ERBB2: variants seen among roughly 807,000 people sequenced by gnomAD.
ERBB2 encodes receptor tyrosine-protein kinase erbB-2.
ERBB2 carries 61 observed loss-of-function variants against 149.0 expected under a neutral mutation model. That is an observed-to-expected ratio of 0.41 (90% CI 0.33 to 0.51). The LOEUF (loss-of-function observed/expected upper bound fraction) is 0.51. ERBB2 is among the 20% of genes least tolerant of loss of function. The probability of loss-of-function intolerance (pLI) is 0.25; values close to 1 mark genes in which losing one functional copy is unlikely to be tolerated. For synonymous variants in ERBB2, 633 were observed against 678.8 expected (o/e 0.93, Z 1.05); for missense variants, 1,205 against 1,655.1 (o/e 0.73, Z 4.72).
At chr17:39,708,604 G>A (rs2058604964) in intron 3 of ERBB2, 70 bp downstream of exon 3, 25 of 1,275,810 alleles carry the variant, frequency 2.0e-5, no homozygotes, top group South Asian at 1.7e-4. Context: ...CTAACCAGGG[G>A]GAGGCTTTGT....
rs1173435256 is a variant in ERBB2, at chr17:39,726,837, G to C, written c.2993G>C (p.Ser998Thr). 3.1e-6 allele frequency: 5 copies of C among 1,612,856 alleles called. No homozygotes were observed. The highest frequency in any genetic ancestry group is 2.2e-5 in the South Asian group (2 of 90,966). ...VIQNEDLGPA[S>T]PLDSTFYRSL... ...CAGAATGAGGACTTGGGCCCAGCCA[G>C]TCCCTTGGACAGCACCTTCTACCGC... Residue 998 changes from serine to threonine, a missense_variant, in exon 25 of 27, where the codon AGT becomes ACT. This residue lies in a region of ERBB2 where 312 missense variants were observed against 343.8 expected (regional missense o/e 0.91). Coordinates refer to ENST00000269571, the MANE Select transcript of ERBB2 (RefSeq NM_004448.4). The surrounding 1 kb of genome is among the most constrained non-coding windows in gnomAD (Gnocchi z 5.1).
rs1481499275 is a variant in ERBB2 at position 39,728,625 on chromosome 17, A to G, written c.*581A>G. The G allele has an allele frequency of 2.1e-5, 5 of 233,200 alleles. No individual in the cohort carries two copies. In the Admixed American group the frequency reaches 2.3e-4, roughly 11 times the overall value. The allele number at this position is 233,200 out of a possible 1,614,324, so 14.4% of individuals were successfully genotyped here. A position where few individuals can be genotyped will look rare whatever the true frequency, so the allele number is the denominator to read the frequency against. On this transcript the variant is annotated 3_prime_UTR_variant, in exon 27 of 27. Coordinates refer to ENST00000269571, the MANE Select transcript of ERBB2 (RefSeq NM_004448.4). ...GTGTGGGGGGTCCTTCTCCACACCC[A>G]CTTTGTCCATTTGCAAATATATTTT...
chr17:39,706,034 C>A (rs4252606), intron 1 of ERBB2, among the ~76,000 whole-genome samples: 1 of 152,208 alleles, frequency 6.6e-6, no homozygotes, highest in Non-Finnish European at 1.5e-5. Flanking sequence ...GAGCTGCTAC[C>A]CCGGCGCCCC....
At chr17:39,724,999 GCCAGGC>G (rs2059670500) in intron 20 of ERBB2, 44 bp from the exon 21 acceptor site, 1 of 1,610,038 alleles carries the variant, frequency 6.2e-7, no homozygotes, top group African/African-American at 1.3e-5. Context: ...TGGGCATGTG[GCCAGGC>G]CCAGGCCCTC....
chr17:39,723,163 A>C lies in ERBB2; in HGVS notation c.1947-156A>C, dbSNP rs996393616. ...TTTATTGTGGAGGCAGCGGGGAGCC[A>C]AGGCAGGTTTTAGAGTAGGAGAGGG... On this transcript the variant is annotated intron_variant, in intron 16 of 26. Coordinates refer to ENST00000269571, the MANE Select transcript of ERBB2 (RefSeq NM_004448.4). The surrounding 1 kb of genome is among the most constrained non-coding windows in gnomAD (Gnocchi z 6.2). Among the ~76,000 whole-genome samples the C allele has an allele frequency of 1.3e-5, 2 of 152,248 alleles. No homozygotes were observed. The highest frequency in any genetic ancestry group is 2.9e-5 in the Non-Finnish European group (2 of 68,004).
chr17:39,709,705 G>A, intron 4 of ERBB2, 108 bp from the exon 5 acceptor site: 1 of 1,127,046 alleles, frequency 8.9e-7, no homozygotes, highest in Non-Finnish European at 1.3e-6. Flanking sequence ...CCCTTGCTGT[G>A]CAGTTGGCCT....
rs2059883849 is a variant in ERBB2 at position 39,728,150 on chromosome 17, G to C, written c.*106G>C. On this transcript the variant is annotated 3_prime_UTR_variant, in exon 27 of 27. Coordinates refer to ENST00000269571, the MANE Select transcript of ERBB2 (RefSeq NM_004448.4). ...GGGAGGGCCCTCCGACCACTTCCAG[G>C]GGAACCTGCCATGCCAGGAACCTGT... The C allele has an allele frequency of 6.5e-6, 5 of 764,168 alleles. No homozygotes were observed. Among genetic ancestry groups the C allele is most frequent in the Non-Finnish European group, 1.0e-5 (5 of 486,352 alleles). The allele number at this position is 764,168 out of a possible 1,614,324, so 47.3% of individuals were successfully genotyped here.
chr17:39,705,004 G>A (rs1338344711), intron 1 of ERBB2, among the ~76,000 whole-genome samples: 1 of 152,144 alleles, frequency 6.6e-6, no homozygotes, highest in Non-Finnish European at 1.5e-5. Context: ...CTGAAGGCAG[G>A]CCAGCCTGAG....
chr17:39,721,395 C>A (rs1030283283), intron 16 of ERBB2, among the ~76,000 whole-genome samples: 6 of 151,834 alleles, frequency 4.0e-5, no homozygotes, highest in Non-Finnish European at 7.4e-5. Context: ...CTGTCTCAGC[C>A]CCCCAGTAGC....
At chr17:39,691,580 C>T (rs1479078669), upstream of ERBB2, among the ~76,000 whole-genome samples, 2 of 139,156 alleles carry the variant, frequency 1.4e-5, no homozygotes, top group African/African-American at 6.0e-5. Context: ...TATATACACA[C>T]ACACACACAC....
chr17:39,691,934 CATATAT>C (rs57592884), upstream of ERBB2, among the ~76,000 whole-genome samples: 169 of 120,874 alleles, frequency 1.4e-3, 2 homozygotes, highest in East Asian at 5.1e-3. Flanking sequence ...TATACATATA[CATATAT>C]ATATATATAT....
At chr17:39,707,322 C>G in intron 2 of ERBB2, 181 bp downstream of exon 2, 1 of 535,278 alleles carries the variant, frequency 1.9e-6, no homozygotes, top group African/African-American at 2.0e-5. Flanking sequence ...TCAGTTGACT[C>G]TCTCTATAAC....
Position 39,709,879 on chromosome 17 carries a change from G to A in ERBB2, c.641G>A (p.Ser214Asn), listed in dbSNP as rs753902254. The A allele has an allele frequency of 6.2e-7, 1 of 1,613,430 alleles. No individual in the cohort carries two copies. Among genetic ancestry groups the A allele is most frequent in the Admixed American group, 1.7e-5 (1 of 60,024 alleles). The change falls in exon 5 of 27, where the codon AGC (serine) becomes AAC (asparagine). Residue 214 changes from serine to asparagine, a missense_variant and splice_region_variant. This residue lies in a region of ERBB2 where 569 missense variants were observed against 803.5 expected (regional missense o/e 0.71). Coordinates refer to ENST00000269571, the MANE Select transcript of ERBB2 (RefSeq NM_004448.4). ...CWGESSEDCQ[S>N]LTRTVCAGGC... ...GGAGAGAGTTCTGAGGATTGTCAGAGCCGTGAGTCTCAGGGAGGCCTGGAG... is the reference window on the plus strand; with the variant it reads ...GGAGAGAGTTCTGAGGATTGTCAGAACCGTGAGTCTCAGGGAGGCCTGGAG...
intron 8 of ERBB2, 135 bp from the exon 9 acceptor site, chr17:39,712,187 C>A (rs999989959): frequency 3.9e-6 from 6 of 1,522,082 alleles, no homozygotes; most frequent in Non-Finnish European, 5.4e-6. Flanking sequence ...CCCTGGCCCC[C>A]CTCAGCCCTA....
chr17:39,712,096 G>T (rs537202049), intron 8 of ERBB2, 49 bp downstream of exon 8: 1 of 1,612,698 alleles, frequency 6.2e-7, no homozygotes, highest in East Asian at 2.2e-5. Flanking sequence ...GTCCCTCTGC[G>T]CATGCAGCCT....
At chr17:39,701,561 C>A (rs2058109074) in intron 1 of ERBB2, among the ~76,000 whole-genome samples, 1 of 152,122 alleles carries the variant, frequency 6.6e-6, no homozygotes, top group African/African-American at 2.4e-5. Flanking sequence ...GAGTGGGTGT[C>A]ATCGTGGCTG....
In ERBB2 at chr17:39,727,717, C is replaced by T. The variant is rs112561362; in HGVS notation, c.3441C>T (p.Pro1147=). 6.1e-4 allele frequency: 950 copies of T among 1,567,572 alleles called. No homozygotes were observed. Among genetic ancestry groups the T allele is most frequent in the Admixed American group, 1.0e-3 (54 of 53,374 alleles). The part of the protein sequence containing the change: ...PEYVNQPDVR[P]QPPSPREGPL... ...ATGTGAACCAGCCAGATGTTCGGCCCCAGCCCCCTTCGCCCCGAGAGGGCC... is the reference window on the plus strand; with the variant it reads ...ATGTGAACCAGCCAGATGTTCGGCCTCAGCCCCCTTCGCCCCGAGAGGGCC... The change falls in exon 27 of 27, where the codon CCC becomes CCT. Residue 1147 remains proline, a synonymous_variant. Coordinates refer to ENST00000269571, the MANE Select transcript of ERBB2 (RefSeq NM_004448.4). The surrounding 1 kb of genome is among the most constrained non-coding windows in gnomAD (Gnocchi z 4.3).
upstream of ERBB2, among the ~76,000 whole-genome samples, chr17:39,690,133 T>C (rs552970665): frequency 2.6e-5 from 4 of 152,306 alleles, no homozygotes; most frequent in African/African-American, 9.6e-5. Context: ...TCACCTAGAC[T>C]GAAGTGCAGT....
At chr17:39,717,794 C>T in intron 15 of ERBB2, 1 of 160,976 alleles carries the variant, frequency 6.2e-6, no homozygotes, top group African/African-American at 2.4e-5. Context: ...CATTTTAACA[C>T]ACACACACAC....
Sources: allele counts gnomAD v4.1 joint callset (sites outside exome capture counted in the v4.1 genomes callset), GRCh38; gene constraint gnomAD v4.1.1; regional missense constraint gnomAD v4.1.1; non-coding constraint Gnocchi (gnomAD v3.1); transcripts MANE v1.5; gene names NCBI Gene and HGNC (gene_info 2026-07-23, HGNC 2026-07-21).